Variants in GBP6 observed in about 807,000 individuals in gnomAD.
GBP6 encodes guanylate binding protein family member 6, also known as guanylate-binding protein 6.
Under a neutral mutation model 61.5 loss-of-function variants are expected in GBP6, and 54 were observed. That is an observed-to-expected ratio of 0.88 (90% CI 0.71 to 1.10). The LOEUF (loss-of-function observed/expected upper bound fraction) is 1.10. Ranked by LOEUF, GBP6 falls within the 50% of genes least tolerant of loss-of-function variation. The pLI, the probability that GBP6 is intolerant of heterozygous loss-of-function variation, is 0.00. For missense variants in GBP6, 748 were observed against 752.8 expected, an observed-to-expected ratio of 0.99 and a Z score of 0.07; for synonymous variants, 255 against 273.7, an observed-to-expected ratio of 0.93 and a Z score of 0.67.
chr1:89,377,959 A>G (rs1473848953), intron 3 of GBP6, 144 bp from the exon 4 acceptor site: 5 of 711,178 alleles, frequency 7.0e-6, no homozygotes, highest in Admixed American at 6.1e-5. Context: ...ATATTGTAAC[A>G]AACTGTTGTT....
rs190554122 is a variant in GBP6 at position 89,387,926 on chromosome 1, G to A, written c.*2457G>A. On this transcript the variant is annotated 3_prime_UTR_variant, in exon 11 of 11. Coordinates refer to ENST00000370456, the MANE Select transcript of GBP6 (RefSeq NM_198460.3). The stretch of plus-strand genomic sequence containing the variant: ...CCAGCCCGGGCAACAGAGCCTGGGC[G>A]ACAGAGTGAGGCTCTGTCTCAAAAA... Among the ~76,000 whole-genome samples the A allele has an allele frequency of 3.9e-5, 6 of 152,298 alleles. No individual in the cohort carries two copies. The highest frequency in any genetic ancestry group is 3.9e-4 in the East Asian group (2 of 5,178).
rs1382516168 is a variant in GBP6 at position 89,384,287 on chromosome 1, G to A, written c.1662+1G>A. ...TATGATGTTGGAGCACACGCAGAAG[G>A]TAAGTCTGCCCTTGGCCTCAGCAGG... On this transcript the variant is annotated splice_donor_variant, in intron 10 of 10. Coordinates refer to ENST00000370456, the MANE Select transcript of GBP6 (RefSeq NM_198460.3). LOFTEE classifies it high-confidence loss of function. 1.9e-6 allele frequency: 3 copies of A among 1,607,618 alleles called. No individual in the cohort carries two copies. Among genetic ancestry groups the A allele is most frequent in the Non-Finnish European group, 2.5e-6 (3 of 1,176,868 alleles).
In GBP6 at chr1:89,384,314, C is replaced by G. The variant is rs554437450; in HGVS notation, c.1662+28C>G. 2.5e-6 allele frequency: 4 copies of G among 1,569,682 alleles called. No individual in the cohort carries two copies. In the South Asian group the frequency reaches 4.8e-5, roughly 19 times the overall value. On this transcript the variant is annotated intron_variant, in intron 10 of 10. Transcript: ENST00000370456. ...AAGTCTGCCCTTGGCCTCAGCAGGC[C>G]AGACGGTCCTCACCCAGGTACCTCA...
At chr1:89,382,554 A>G (rs1334494543) in intron 7 of GBP6, 110 bp from the exon 8 acceptor site, 1 of 790,940 alleles carries the variant, frequency 1.3e-6, no homozygotes, top group East Asian at 2.4e-5. Flanking sequence ...ACTCCACTAG[A>G]ATGTTTTTCT....
intron 1 of GBP6, among the ~76,000 whole-genome samples, chr1:89,366,280 G>A (rs1652464534): frequency 6.6e-6 from 1 of 151,814 alleles, no homozygotes. Flanking sequence ...TCTTATTCTT[G>A]TCTGTGGGAG....
rs143352456 is a variant in GBP6 at position 89,369,722 on chromosome 1, T to C, written c.318+49T>C. 1.1e-4 allele frequency: 166 copies of C among 1,570,144 alleles called. 1 individual carries two copies. In the East Asian group the frequency reaches 3.7e-3, roughly 35 times the overall value. ...GTTCCTTTTATTCCAGACGTGATCC[T>C]TGTAATTAAACTGTTGTGATCTATT... On this transcript the variant is annotated intron_variant, in intron 3 of 10. Transcript: ENST00000370456.
At chr1:89,365,497 G>A (rs774242978) in intron 1 of GBP6, among the ~76,000 whole-genome samples, 1 of 152,212 alleles carries the variant, frequency 6.6e-6, no homozygotes, top group African/African-American at 2.4e-5. Flanking sequence ...GACAAGAGCA[G>A]GTTGTACAGC....
rs774276116 is a variant in GBP6 at position 89,384,236 on chromosome 1, A to G, written c.1612A>G (p.Arg538Gly). 1 of 1,613,956 alleles carries G rather than the reference A, an allele frequency of 6.2e-7. No individual in the cohort carries two copies. The highest frequency in any genetic ancestry group is 1.3e-5 in the African/African-American group (1 of 74,892). The change falls in exon 10 of 11, where the codon AGA becomes GGA. Residue 538 changes from arginine to glycine, a missense_variant. Arg to Gly is a moderately radical substitution (Grantham distance 125). Coordinates refer to ENST00000370456, the MANE Select transcript of GBP6 (RefSeq NM_198460.3). ...ACTGAAGGAGAAGCTGCAGATGGAG[A>G]GAGAACACCTACTGAGAGAGCAGAT... The part of the protein sequence containing the change: ...AQLKEKLQME[R>G]EHLLREQIMM...
intron 3 of GBP6, among the ~76,000 whole-genome samples, chr1:89,373,311 C>T (rs1387281124): frequency 1.3e-5 from 2 of 152,188 alleles, no homozygotes; most frequent in Non-Finnish European, 2.9e-5. Context: ...CATCTCATTA[C>T]TGGGTATATA....
chr1:89,387,464 TC>T lies in GBP6; in HGVS notation c.*1996del, dbSNP rs1349071564. Reference sequence around the variant, plus strand: ...GACAGATACCTTATTTTTCTGTACATCTCCTTGGGAGTATGTTCAGGCATAG... The same window carrying T: ...GACAGATACCTTATTTTTCTGTACATTCCTTGGGAGTATGTTCAGGCATAG... On this transcript the variant is annotated 3_prime_UTR_variant, in exon 11 of 11. Transcript: ENST00000370456. Among the ~76,000 whole-genome samples the T allele has an allele frequency of 2.0e-5, 3 of 152,216 alleles. No individual in the cohort carries two copies. The highest frequency in any genetic ancestry group is 7.2e-5 in the African/African-American group (3 of 41,462).
chr1:89,368,457 A>T, intron 1 of GBP6, 72 bp from the exon 2 acceptor site: 1 of 1,105,432 alleles, frequency 9.0e-7, no homozygotes, highest in Non-Finnish European at 1.3e-6. Flanking sequence ...AAGTCTCATT[A>T]GTCCTATGTT....
chr1:89,370,648 C>G (rs993151196), intron 3 of GBP6, among the ~76,000 whole-genome samples: 1 of 152,082 alleles, frequency 6.6e-6, no homozygotes, highest in Admixed American at 6.5e-5. Context: ...GTTAGAAATT[C>G]TGTTTATTTT....
Position 89,387,067 on chromosome 1 carries a change from C to T in GBP6, c.*1598C>T, listed in dbSNP as rs993896047. 1.3e-5 allele frequency among the ~76,000 whole-genome samples: 2 copies of T among 152,168 alleles called. No homozygotes were observed. The highest frequency in any genetic ancestry group is 4.8e-5 in the African/African-American group (2 of 41,434). ...GAGAGGTAGCCCTGATAAAGTGTCA[C>T]ATCCATAGCCTTGATCTGAGCTAAT... On this transcript the variant is annotated 3_prime_UTR_variant, in exon 11 of 11. Coordinates refer to ENST00000370456, the MANE Select transcript of GBP6 (RefSeq NM_198460.3).
At chr1:89,364,929 C>T (rs1442647526) in intron 1 of GBP6, among the ~76,000 whole-genome samples, 1 of 151,730 alleles carries the variant, frequency 6.6e-6, no homozygotes, top group Non-Finnish European at 1.5e-5. Context: ...GGTATTTGTC[C>T]TAATGCTCTC....
At chr1:89,366,210 C>G (rs1570458209) in intron 1 of GBP6, among the ~76,000 whole-genome samples, 1 of 152,112 alleles carries the variant, frequency 6.6e-6, no homozygotes, top group Non-Finnish European at 1.5e-5. Flanking sequence ...CTCTAGATAT[C>G]TATAATTTAT....
At position 89,365,787 on chromosome 1, in the gene GBP6, A is replaced by G. The variant is rs535954659; in HGVS notation, c.-24+1660A>G. Among the ~76,000 whole-genome samples the G allele has an allele frequency of 7.4e-4, 113 of 152,312 alleles. 2 individuals are homozygous for G. The highest frequency in any genetic ancestry group is 5.4e-4 in the Non-Finnish European group (37 of 68,018). On this transcript the variant is annotated intron_variant, in intron 1 of 10. Coordinates refer to ENST00000370456, the MANE Select transcript of GBP6 (RefSeq NM_198460.3). ...TTTAACTCACAGACCCCTATAATTA[A>G]CAGGCTCAGCTAGCTTGACCTCCTT... is the stretch of plus-strand genomic sequence containing the variant.
rs1653135712 is a variant in GBP6 at position 89,386,045 on chromosome 1, T to C, written c.*576T>C. The C allele has an allele frequency of 6.6e-6, 1 of 152,252 alleles. No individual in the cohort carries two copies. Among genetic ancestry groups the C allele is most frequent in the South Asian group, 2.1e-4 (1 of 4,836 alleles). The allele number at this position is 152,252 out of a possible 1,614,324, so 9.4% of individuals were successfully genotyped here. On this transcript the variant is annotated 3_prime_UTR_variant, in exon 11 of 11. Transcript: ENST00000370456. ...GTACTTGAATGTCCTTCACATTAGA[T>C]TGGTAAGATAAATTTTAGTATGTGC...
chr1:89,372,493 T>C (rs192316945), intron 3 of GBP6, among the ~76,000 whole-genome samples: 4 of 152,102 alleles, frequency 2.6e-5, no homozygotes, highest in Admixed American at 2.0e-4. Flanking sequence ...AGGACAGAGC[T>C]CTCAGAAATA....
chr1:89,368,834 C>G, intron 2 of GBP6, 93 bp downstream of exon 2: 3 of 1,159,408 alleles, frequency 2.6e-6, no homozygotes, highest in Non-Finnish European at 3.6e-6. Context: ...AAGGTAGACT[C>G]CAATTCCTTT....
Sources: gnomAD v4.1 joint callset for allele counts (sites outside exome capture counted in the v4.1 genomes callset) on GRCh38, gnomAD v4.1.1 for gene constraint, MANE v1.5 for transcripts, NCBI Gene and HGNC (gene_info 2026-07-23, HGNC 2026-07-21) for gene names.